BRD9: variants seen among roughly 807,000 people sequenced by gnomAD.
BRD9 encodes bromodomain containing 9.
Under a neutral mutation model 68.7 loss-of-function variants are expected in BRD9, and 47 were observed. The ratio of observed to expected loss-of-function variants is 0.68; its 90% CI spans 0.54 to 0.87. BRD9 has a LOEUF of 0.87. BRD9 is among the 40% of genes least tolerant of loss of function. BRD9 has a pLI of 0.00. For synonymous variants in BRD9, 313 were observed against 293.9 expected (o/e 1.06, Z -0.67); for missense variants, 670 against 748.4 (o/e 0.90, Z 1.22).
intron 8 of BRD9, 42 bp downstream of exon 8, chr5:883,896 G>A: frequency 6.3e-7 from 1 of 1,597,368 alleles, no homozygotes; most frequent in Non-Finnish European, 8.5e-7. Context: ...CAGAGAGTCT[G>A]GGGCCACGTG....
chr5:878,235 C>A, intron 11 of BRD9, 120 bp downstream of exon 11: 2 of 1,424,906 alleles, frequency 1.4e-6, no homozygotes, highest in Non-Finnish European at 1.9e-6. Flanking sequence ...CCCAGGCTGC[C>A]ATATGGACGG....
At chr5:884,473 G>C (rs906932170) in intron 7 of BRD9, among the ~76,000 whole-genome samples, 1 of 152,232 alleles carries the variant, frequency 6.6e-6, no homozygotes, top group Admixed American at 6.5e-5. Context: ...GGGGCTGCTC[G>C]GGTGTGGTCT....
intron 12 of BRD9, among the ~76,000 whole-genome samples, chr5:873,108 T>A (rs1162495103): frequency 6.6e-6 from 1 of 152,068 alleles, no homozygotes; most frequent in African/African-American, 2.4e-5. Context: ...GAGGTTGCAG[T>A]GAGCCACAAT....
chr5:868,672 C>G (rs1386131711), intron 14 of BRD9: 1 of 152,284 alleles, frequency 6.6e-6, no homozygotes, highest in Non-Finnish European at 1.5e-5. Flanking sequence ...GTGGGCATTT[C>G]ACGTGTGTTG....
chr5:887,693 C>A (rs930452449), intron 5 of BRD9, among the ~76,000 whole-genome samples: 1 of 152,172 alleles, frequency 6.6e-6, no homozygotes, highest in East Asian at 1.9e-4. Context: ...GTTGGCCAAG[C>A]CTGTAACTTC....
intron 1 of BRD9, 108 bp from the exon 2 acceptor site, chr5:891,962 C>A (rs980062849): frequency 1.8e-5 from 26 of 1,460,474 alleles, no homozygotes; most frequent in Non-Finnish European, 2.2e-5. Flanking sequence ...AGGAGTACAG[C>A]GGGGCTGCCA....
At position 888,566 on chromosome 5, in the gene BRD9, T is replaced by C. The variant is rs887119756; in HGVS notation, c.606+455A>G. On this transcript the variant is annotated intron_variant, in intron 5 of 15. Coordinates refer to ENST00000467963, the MANE Select transcript of BRD9 (RefSeq NM_023924.5). The stretch of plus-strand genomic sequence containing the variant: ...GCAAAACCAATGAGCAGTTGCTAAT[T>C]CTCACAGCCAGTAGCAAGAAACAGA... Among the ~76,000 whole-genome samples the C allele has an allele frequency of 5.3e-5, 8 of 152,330 alleles. No individual in the cohort carries two copies. In the East Asian group the frequency reaches 1.5e-3, roughly 29 times the overall value.
intron 8 of BRD9, 116 bp from the exon 9 acceptor site, chr5:881,298 A>C: frequency 1.2e-3 from 1,060 of 899,230 alleles, no homozygotes; most frequent in East Asian, 2.1e-3. Flanking sequence ...TCCAAGAACA[A>C]ACGCCAGAGG....
At chr5:865,708 T>A in intron 14 of BRD9, 127 bp from the exon 15 acceptor site, 1 of 1,073,886 alleles carries the variant, frequency 9.3e-7, no homozygotes, top group Non-Finnish European at 1.3e-6. Flanking sequence ...GGAAACTGAG[T>A]GGACGAGCTC....
chr5:883,237 A>C (rs759787211), intron 8 of BRD9: 6 of 437,024 alleles, frequency 1.4e-5, no homozygotes, highest in Non-Finnish European at 2.8e-5. Flanking sequence ...TGCATTTTGA[A>C]GACTTAATAT....
chr5:889,450 G>A lies in BRD9; in HGVS notation c.461+137C>T, dbSNP rs539600606. On this transcript the variant is annotated intron_variant, in intron 4 of 15. Transcript: ENST00000467963. ...TTCATGAACTCTTCCTACGCACCCC[G>A]AAGTGGACTGGGAGTCACCAAGAGA... 5.0e-5 allele frequency: 49 copies of A among 974,820 alleles called. No homozygotes were observed. The South Asian group carries it at 7.1e-4, about 14-fold the overall frequency. The allele number at this position is 974,820 out of a possible 1,614,324, so 60.4% of individuals were successfully genotyped here. A position where few individuals can be genotyped will look rare whatever the true frequency, so the allele number is the denominator to read the frequency against.
At chr5:874,135 T>C (rs1429531012) in intron 12 of BRD9, among the ~76,000 whole-genome samples, 3 of 151,594 alleles carry the variant, frequency 2.0e-5, no homozygotes, top group Non-Finnish European at 4.4e-5. Context: ...TGAGACAGGG[T>C]CTTGCTCTAT....
intron 8 of BRD9, chr5:883,542 A>T: frequency 2.5e-6 from 1 of 404,450 alleles, no homozygotes; most frequent in Middle Eastern, 4.1e-4. Flanking sequence ...TCGGTGGCCT[A>T]TTATGGACCA....
chr5:891,998 G>A (rs1489210523), intron 1 of BRD9, 144 bp from the exon 2 acceptor site: 3 of 1,324,914 alleles, frequency 2.3e-6, no homozygotes, highest in Non-Finnish European at 3.0e-6. Context: ...CGGAAGGGAA[G>A]ACCACAGTGG....
At chr5:864,953 A>G (rs1341342629) in intron 15 of BRD9, among the ~76,000 whole-genome samples, 1 of 152,126 alleles carries the variant, frequency 6.6e-6, no homozygotes, top group African/African-American at 2.4e-5. Context: ...TGGAATCGAA[A>G]ATACCGGCCT....
chr5:875,999 G>T, intron 12 of BRD9, 102 bp downstream of exon 12: 2 of 771,198 alleles, frequency 2.6e-6, no homozygotes, highest in South Asian at 1.7e-5. Context: ...GAGTCCCTGC[G>T]ACAGCTCCTC....
At chr5:884,211 G>T in intron 7 of BRD9, 141 bp from the exon 8 acceptor site, 1 of 989,400 alleles carries the variant, frequency 1.0e-6, no homozygotes, top group Non-Finnish European at 1.5e-6. Context: ...CTCCTTTTAG[G>T]TCTCAAAGCA....
chr5:873,886 G>A (rs17568860), intron 12 of BRD9, among the ~76,000 whole-genome samples: 21,885 of 152,206 alleles, frequency 0.14, 2,080 homozygotes, highest in Non-Finnish European at 0.22. Context: ...AGACCACGCT[G>A]AAAAGACAGG....
At position 887,521 on chromosome 5, in the gene BRD9, C is replaced by T. The variant is rs147123384; in HGVS notation, c.607-50G>A. ...ATCAGGTTTGAAATGCCACAGACAACAGCAAAGCTCTAGATGACTACCAAG... is the reference window on the plus strand; with the variant it reads ...ATCAGGTTTGAAATGCCACAGACAATAGCAAAGCTCTAGATGACTACCAAG... On this transcript the variant is annotated intron_variant, in intron 5 of 15. Transcript: ENST00000467963. The T allele has an allele frequency of 4.2e-5, 59 of 1,401,552 alleles. No homozygotes were observed. In the African/African-American group the frequency reaches 6.7e-4, roughly 16 times the overall value. The allele number at this position is 1,401,552 out of a possible 1,614,324, so 86.8% of individuals were successfully genotyped here. A position where few individuals can be genotyped will look rare whatever the true frequency, so the allele number is the denominator to read the frequency against.
Sources: gnomAD v4.1 joint callset for allele counts (sites outside exome capture counted in the v4.1 genomes callset) on GRCh38, gnomAD v4.1.1 for gene constraint, MANE v1.5 for transcripts, NCBI Gene and HGNC (gene_info 2026-07-23, HGNC 2026-07-21) for gene names.